DSCAML1: variants seen among roughly 807,000 people sequenced by gnomAD.
The protein encoded by DSCAML1 is DS cell adhesion molecule like 1.
DSCAML1 carries 38 observed loss-of-function variants against 200.5 expected under a neutral mutation model. That is an observed-to-expected ratio of 0.19 (90% CI 0.15 to 0.25). The LOEUF is 0.25. Ranked by LOEUF, DSCAML1 falls within the 10% of genes least tolerant of loss-of-function variation. The pLI is 1.00. For missense variants in DSCAML1, 2,223 were observed against 2,858.8 expected (o/e 0.78, Z 5.07); for synonymous variants, 1,215 against 1,165.0 (o/e 1.04, Z -0.87).
At chr11:117,694,664 A>G (rs2053558042) in intron 3 of DSCAML1, among the ~76,000 whole-genome samples, 1 of 152,182 alleles carries the variant, frequency 6.6e-6, no homozygotes, top group South Asian at 2.1e-4. Flanking sequence ...CTTAAACATT[A>G]AGCCATAATA....
chr11:117,536,182 C>T (rs2050166053), intron 3 of DSCAML1, among the ~76,000 whole-genome samples: 1 of 152,146 alleles, frequency 6.6e-6, no homozygotes, highest in Non-Finnish European at 1.5e-5. Context: ...TGTGCAACAT[C>T]AGTTCTGCAT....
intron 3 of DSCAML1, among the ~76,000 whole-genome samples, chr11:117,573,252 C>T (rs962161757): frequency 1.3e-5 from 2 of 152,204 alleles, no homozygotes; most frequent in African/African-American, 4.8e-5. Flanking sequence ...AAGCTCAGGT[C>T]CAGCTTTCTA....
At chr11:117,439,717 AC>A (rs1388821852) in intron 22 of DSCAML1, 101 bp downstream of exon 22, 2 of 1,148,406 alleles carry the variant, frequency 1.7e-6, no homozygotes, top group Non-Finnish European at 2.6e-6. Context: ...CCTGGAGGCA[AC>A]CGGGTCACCA....
chr11:117,566,353 TCTC>T (rs995010299), intron 3 of DSCAML1, among the ~76,000 whole-genome samples: 7 of 111,964 alleles, frequency 6.3e-5, no homozygotes, highest in East Asian at 2.3e-4. Context: ...TCTCTCTCTC[TCTC>T]TTTTTTTTTT....
intron 1 of DSCAML1, among the ~76,000 whole-genome samples, chr11:117,786,098 T>A (rs1444035220): frequency 6.6e-6 from 1 of 152,128 alleles, no homozygotes; most frequent in Non-Finnish European, 1.5e-5. Context: ...TCCCCGCAGC[T>A]CTTTCTTCCC....
At chr11:117,521,498 A>C (rs1418552739) in intron 5 of DSCAML1, 93 bp from the exon 6 acceptor site, 11 of 1,394,514 alleles carry the variant, frequency 7.9e-6, no homozygotes, top group Non-Finnish European at 9.7e-6. Flanking sequence ...GGGGGTAGTT[A>C]GGGGTCACAA....
chr11:117,502,575 A>G (rs964873392), intron 11 of DSCAML1, among the ~76,000 whole-genome samples: 1 of 152,154 alleles, frequency 6.6e-6, no homozygotes, highest in African/African-American at 2.4e-5. Flanking sequence ...TCCCTGTCTT[A>G]TGCTGAGCTG....
intron 3 of DSCAML1, among the ~76,000 whole-genome samples, chr11:117,763,019 G>A (rs1051759206): frequency 6.6e-6 from 1 of 152,170 alleles, no homozygotes; most frequent in African/African-American, 2.4e-5. Flanking sequence ...CTTAAACTCT[G>A]GGTATGCCAT....
chr11:117,430,780 G>C lies in DSCAML1; in HGVS notation c.5628C>G (p.Pro1876=), dbSNP rs1168797182. Residue 1876 remains proline (P), a synonymous_variant, in exon 32 of 33, where the codon CCC becomes CCG. Transcript: ENST00000651296. ...ICRFTASPPK[P]QDADRGKNVA... ...CGTTTTTGCCCCGGTCCGCATCCTG[G>C]GGCTTGGGTGGTGAGGCGGTAAAGC... The C allele has an allele frequency of 6.2e-7, 1 of 1,614,138 alleles. No individual in the cohort carries two copies. The highest frequency in any genetic ancestry group is 2.2e-5 in the East Asian group (1 of 44,892).
rs777547723 is a variant in DSCAML1 at position 117,458,809 on chromosome 11, G to A, written c.3513C>T (p.Thr1171=). ...TGCTGCGTACGCCGTCCCCAGCCTG[G>A]GTGTAGGCCAGCACCTGGACGCTGT... The part of the protein sequence containing the change: ...TNYSVQVLAY[T]QAGDGVRSSV... Residue 1171 remains threonine (T), a synonymous_variant, in exon 19 of 33, where the codon ACC becomes ACT. Coordinates refer to ENST00000651296, the MANE Select transcript of DSCAML1 (RefSeq NM_020693.4). 7.4e-6 allele frequency: 12 copies of A among 1,613,916 alleles called. No homozygotes were observed. The East Asian group carries it at 2.7e-4, about 36-fold the overall frequency.
intron 21 of DSCAML1, among the ~76,000 whole-genome samples, chr11:117,440,920 C>CAAAA (rs1170541792): frequency 3.4e-4 from 14 of 41,092 alleles, no homozygotes; most frequent in African/African-American, 1.3e-3. Flanking sequence ...GACTCTGTCT[C>CAAAA]AAAAAAAAAA....
rs186856769 is a variant in DSCAML1 at position 117,731,848 on chromosome 11, T to C, written c.511+44943A>G. 5.1e-3 allele frequency among the ~76,000 whole-genome samples: 776 copies of C among 152,336 alleles called. 1 individual carries two copies. The highest frequency in any genetic ancestry group is 8.7e-3 in the Non-Finnish European group (590 of 68,030). ...ATGAAATGGCACAACAGGCTATTTT[T>C]TCCAGGCTGAACCTGGGCAGACACA... is the stretch of plus-strand genomic sequence containing the variant. On this transcript the variant is annotated intron_variant, in intron 3 of 32. Coordinates refer to ENST00000651296, the MANE Select transcript of DSCAML1 (RefSeq NM_020693.4).
At chr11:117,584,480 C>T (rs554983382) in intron 3 of DSCAML1, among the ~76,000 whole-genome samples, 1 of 152,262 alleles carries the variant, frequency 6.6e-6, no homozygotes, top group South Asian at 2.1e-4. Flanking sequence ...CCAGGTTTGC[C>T]CAAATCCAGA....
chr11:117,734,317 C>A (rs959991768), intron 3 of DSCAML1, among the ~76,000 whole-genome samples: 1 of 152,152 alleles, frequency 6.6e-6, no homozygotes, highest in African/African-American at 2.4e-5. Context: ...GTGGGGGAAC[C>A]CAGTGATGGA....
intron 3 of DSCAML1, among the ~76,000 whole-genome samples, chr11:117,741,835 A>T (rs193108399): frequency 3.9e-5 from 6 of 152,312 alleles, no homozygotes; most frequent in Admixed American, 2.0e-4. Context: ...GGGATGCTGC[A>T]TGGAGCCCAC....
chr11:117,684,583 G>A (rs894455066), intron 3 of DSCAML1, among the ~76,000 whole-genome samples: 13 of 151,508 alleles, frequency 8.6e-5, no homozygotes, highest in African/African-American at 2.4e-4. Flanking sequence ...AGGAGATGAC[G>A]GAGTTTCATT....
intron 3 of DSCAML1, among the ~76,000 whole-genome samples, chr11:117,547,429 C>T (rs964051987): frequency 8.5e-5 from 13 of 152,164 alleles, no homozygotes; most frequent in African/African-American, 2.9e-4. Context: ...GCCCTTGGCT[C>T]GCTTCTAAGG....
chr11:117,816,807 G>GGGGGGGGGGGA (rs1555038476), intron 1 of DSCAML1, among the ~76,000 whole-genome samples: 1 of 115,046 alleles, frequency 8.7e-6, no homozygotes, highest in Non-Finnish European at 2.0e-5. Flanking sequence ...CTGGGGGGGT[G>GGGGGGGGGGGA]GGGTGGAGAT....
At chr11:117,591,053 C>T (rs961604711) in intron 3 of DSCAML1, among the ~76,000 whole-genome samples, 3 of 152,170 alleles carry the variant, frequency 2.0e-5, no homozygotes, top group African/African-American at 7.2e-5. Flanking sequence ...CATTGTTCTA[C>T]ACAATTTGAA....
Sources: allele counts gnomAD v4.1 joint callset (sites outside exome capture counted in the v4.1 genomes callset), GRCh38; gene constraint gnomAD v4.1.1; transcripts MANE v1.5; gene names NCBI Gene and HGNC (gene_info 2026-07-23, HGNC 2026-07-21).